CATSPERB: variants seen among roughly 807,000 people sequenced by gnomAD.
CATSPERB encodes the protein cation channel sperm-associated auxiliary subunit beta.
Under a neutral mutation model 128.3 loss-of-function variants are expected in CATSPERB, and 93 were observed. That is an observed-to-expected ratio of 0.72 (90% CI 0.61 to 0.86). The LOEUF is 0.86. Among genes scored for constraint, CATSPERB ranks in the 40% least tolerant of loss-of-function variants. CATSPERB has a pLI of 0.00. For synonymous variants in CATSPERB, 381 were observed against 448.8 expected, an observed-to-expected ratio of 0.85 and a Z score of 1.91; for missense variants, 1,153 against 1,329.5, an observed-to-expected ratio of 0.87 and a Z score of 2.06.
intron 7 of CATSPERB, among the ~76,000 whole-genome samples, chr14:91,695,527 T>C (rs1895548793): frequency 6.6e-6 from 1 of 152,204 alleles, no homozygotes; most frequent in Non-Finnish European, 1.5e-5. Context: ...GGAGACATCA[T>C]AAAATAAACA....
At chr14:91,610,806 G>T in intron 20 of CATSPERB, 129 bp from the exon 21 acceptor site, 4 of 829,194 alleles carry the variant, frequency 4.8e-6, no homozygotes, top group South Asian at 1.8e-5. Flanking sequence ...TGGAGATAGG[G>T]CCTTTAAGGA....
At chr14:91,600,526 A>C (rs893102440) in intron 22 of CATSPERB, among the ~76,000 whole-genome samples, 3 of 152,250 alleles carry the variant, frequency 2.0e-5, no homozygotes, top group Non-Finnish European at 2.9e-5. Flanking sequence ...ATGTGTAAAC[A>C]TACAGAAAAG....
chr14:91,610,878 T>C (rs926411583), intron 20 of CATSPERB, among the ~76,000 whole-genome samples: 1 of 151,306 alleles, frequency 6.6e-6, no homozygotes, highest in Non-Finnish European at 1.5e-5. Flanking sequence ...TGGTGTCATC[T>C]TATAAGAAGA....
intron 17 of CATSPERB, among the ~76,000 whole-genome samples, chr14:91,626,630 CGTGCTCACAT>C (rs1894169875): frequency 6.6e-6 from 1 of 152,054 alleles, no homozygotes; most frequent in African/African-American, 2.4e-5. Flanking sequence ...GCTTCATATG[CGTGCTCACAT>C]GTGCTCACCC....
chr14:91,583,806 C>T (rs1448844255), intron 26 of CATSPERB, among the ~76,000 whole-genome samples: 1 of 151,968 alleles, frequency 6.6e-6, no homozygotes, highest in African/African-American at 2.4e-5. Context: ...CAGTTATCCC[C>T]ATAATGTATT....
At position 91,659,880 on chromosome 14, in the gene CATSPERB, A is replaced by T; in HGVS notation, c.1389T>A (p.Ile463=). 1 of 1,603,428 alleles carries T rather than the reference A, an allele frequency of 6.2e-7. No homozygotes were observed. Residue 463 remains isoleucine, a synonymous_variant, in exon 15 of 27, where the codon ATT becomes ATA. Coordinates refer to ENST00000256343, the MANE Select transcript of CATSPERB (RefSeq NM_024764.4). ...CCTTTCCACGTTGAGAAACAAAAGT[A>T]ATAGCTGATGTATAAAAACTATGAA... The part of the protein sequence containing the change: ...KTFHSFYTSA[I]TFVSQRGKVY...
At position 91,695,210 on chromosome 14, in the gene CATSPERB, A is replaced by T. The variant is rs1181301843; in HGVS notation, c.617-1731T>A. Among the ~76,000 whole-genome samples, 3 of 151,146 alleles carry T rather than the reference A, an allele frequency of 2.0e-5. No individual in the cohort carries two copies. In the East Asian group the frequency reaches 5.8e-4, roughly 29 times the overall value. On this transcript the variant is annotated intron_variant, in intron 7 of 26. Transcript: ENST00000256343. ...AGTGGCGCAATCTCCACTCACTGCA[A>T]CCTTCGCCTCCCAGGTTCGAGCAAT...
rs148652048 is a variant in CATSPERB at position 91,675,593 on chromosome 14, A to G, written c.932-1371T>C. 3.6e-3 allele frequency among the ~76,000 whole-genome samples: 552 copies of G among 152,294 alleles called. 2 individuals carry two copies. The highest frequency in any genetic ancestry group is 0.012 in the African/African-American group (517 of 41,564). On this transcript the variant is annotated intron_variant, in intron 11 of 26. Coordinates refer to ENST00000256343, the MANE Select transcript of CATSPERB (RefSeq NM_024764.4). ...CCTAGCTGCTCATGGGGCCATCTGA[A>G]GTTGAGACAAGGTTTCAGGACTTTT...
At chr14:91,684,627 T>TA (rs1895343004) in intron 10 of CATSPERB, among the ~76,000 whole-genome samples, 2 of 147,394 alleles carry the variant, frequency 1.4e-5, no homozygotes, top group Non-Finnish European at 1.5e-5. Flanking sequence ...TTTTTTTTTT[T>TA]AAATTGAGAA....
intron 6 of CATSPERB, among the ~76,000 whole-genome samples, chr14:91,706,600 G>T (rs1479459328): frequency 6.6e-6 from 1 of 152,160 alleles, no homozygotes; most frequent in Non-Finnish European, 1.5e-5. Flanking sequence ...CAAATGAGTG[G>T]TTTGGGGTGT....
At chr14:91,631,494 T>C (rs1261487529) in intron 17 of CATSPERB, among the ~76,000 whole-genome samples, 1 of 152,046 alleles carries the variant, frequency 6.6e-6, no homozygotes, top group African/African-American at 2.4e-5. Context: ...TGAAACCCCG[T>C]CTCTACTAAA....
chr14:91,664,259 C>CTTTTTTTTT (rs750623098), intron 14 of CATSPERB, among the ~76,000 whole-genome samples: 3 of 115,714 alleles, frequency 2.6e-5, no homozygotes, highest in African/African-American at 3.2e-5. Flanking sequence ...TCTTCCATGT[C>CTTTTTTTTT]TTTTTTTTTT....
chr14:91,651,653 A>C (rs1176825804), intron 15 of CATSPERB, among the ~76,000 whole-genome samples: 1 of 152,212 alleles, frequency 6.6e-6, no homozygotes, highest in African/African-American at 2.4e-5. Context: ...AACCATAGCA[A>C]GCAAGGGCTT....
intron 17 of CATSPERB, among the ~76,000 whole-genome samples, chr14:91,635,191 C>T (rs1308778382): frequency 6.6e-6 from 1 of 152,022 alleles, no homozygotes; most frequent in African/African-American, 2.4e-5. Flanking sequence ...AGTCACCTAC[C>T]AAGGGCCCCA....
intron 22 of CATSPERB, among the ~76,000 whole-genome samples, chr14:91,597,260 A>G (rs1344042102): frequency 6.6e-6 from 1 of 152,190 alleles, no homozygotes; most frequent in African/African-American, 2.4e-5. Context: ...ACTTGATATT[A>G]CAAAATAGGA....
intron 14 of CATSPERB, among the ~76,000 whole-genome samples, chr14:91,662,666 C>A (rs61990388): frequency 2.0e-5 from 3 of 152,236 alleles, no homozygotes; most frequent in Admixed American, 2.0e-4. Context: ...ACTCTCCCAG[C>A]AGCAATATAT....
chr14:91,651,007 G>T (rs1197132434), intron 15 of CATSPERB, among the ~76,000 whole-genome samples: 3 of 151,876 alleles, frequency 2.0e-5, no homozygotes, highest in East Asian at 3.9e-4. Flanking sequence ...GTCTATTTTG[G>T]TTTTTATTTC....
intron 15 of CATSPERB, among the ~76,000 whole-genome samples, chr14:91,654,570 G>A (rs1894757664): frequency 6.6e-6 from 1 of 152,166 alleles, no homozygotes; most frequent in Admixed American, 6.5e-5. Context: ...TTGCAGCTTG[G>A]GTGCCAGCTT....
At chr14:91,689,725 G>T (rs983638321) in intron 10 of CATSPERB, among the ~76,000 whole-genome samples, 1 of 151,182 alleles carries the variant, frequency 6.6e-6, no homozygotes, top group African/African-American at 2.4e-5. Context: ...GTTTTCCTTC[G>T]TCTGGTGGTT....
Sources: gnomAD v4.1 joint callset for allele counts (sites outside exome capture counted in the v4.1 genomes callset) on GRCh38, gnomAD v4.1.1 for gene constraint, MANE v1.5 for transcripts, NCBI Gene and HGNC (gene_info 2026-07-23, HGNC 2026-07-21) for gene names.